DGLUCY: variants seen among roughly 807,000 people sequenced by gnomAD.
DGLUCY encodes the protein D-glutamate cyclase, mitochondrial.
DGLUCY carries 58 observed loss-of-function variants against 58.5 expected under a neutral mutation model. The ratio of observed to expected loss-of-function variants is 0.99; its 90% confidence interval spans 0.80 to 1.23. DGLUCY has a LOEUF of 1.23. DGLUCY is among the 50% of genes most tolerant of loss of function. DGLUCY has a pLI of 0.00. For synonymous variants in DGLUCY, 325 were observed against 314.1 expected (o/e 1.03, Z -0.37); for missense variants, 779 against 784.7 (o/e 0.99, Z 0.09).
chr14:91,188,982 G>C lies in DGLUCY; in HGVS notation c.1007G>C (p.Arg336Pro). Residue 336 changes from arginine (R) to proline (P), a missense_variant, in exon 9 of 14, where the codon CGC becomes CCC. Transcript: ENST00000256324. ...LKASLSLSHA[R>P]SVLITTGFPT... is the part of the protein sequence containing the mutation. ...GCCTCTCTCTCGCTGTCCCATGCCC[G>C]CTCAGTGCTCATCACCACTGGGTTC... The C allele has an allele frequency of 1.2e-6, 2 of 1,614,124 alleles. No homozygotes were observed. Among genetic ancestry groups the C allele is most frequent in the Non-Finnish European group, 1.7e-6 (2 of 1,180,018 alleles).
At chr14:91,128,546 AT>A (rs1333078191) in intron 1 of DGLUCY, among the ~76,000 whole-genome samples, 5 of 152,054 alleles carry the variant, frequency 3.3e-5, no homozygotes, top group Non-Finnish European at 5.9e-5. Flanking sequence ...CAGAAAGGGG[AT>A]TGTATTAGCC....
chr14:91,176,381 A>G (rs777852762), intron 7 of DGLUCY, among the ~76,000 whole-genome samples: 85 of 152,024 alleles, frequency 5.6e-4, no homozygotes, highest in Non-Finnish European at 9.6e-4. Flanking sequence ...ATGTGCCACC[A>G]TGCCCAGCTA....
At position 91,173,383 on chromosome 14, in the gene DGLUCY, G is replaced by C; in HGVS notation, c.551G>C (p.Arg184Pro). ...IPKDKLEGLV[R>P]ACCSLGGEQG... ...AAGGACAAGCTGGAAGGGCTGGTGC[G>C]GGCCTGCTGCTCCCTCGGAGGTGAG... Residue 184 changes from arginine to proline, a missense_variant, in exon 6 of 14, where the codon CGG becomes CCG. Transcript: ENST00000256324. 1 of 1,612,814 alleles carries C rather than the reference G, an allele frequency of 6.2e-7. No individual in the cohort carries two copies. The highest frequency in any genetic ancestry group is 1.7e-5 in the Admixed American group (1 of 59,560).
At chr14:91,091,663 C>G (rs1383894326) in intron 1 of DGLUCY, among the ~76,000 whole-genome samples, 1 of 152,126 alleles carries the variant, frequency 6.6e-6, no homozygotes, top group Non-Finnish European at 1.5e-5. Context: ...CTGGACAATT[C>G]ACATGTGCAT....
chr14:91,205,610 C>T (rs2140638438), intron 12 of DGLUCY, among the ~76,000 whole-genome samples: 1 of 152,278 alleles, frequency 6.6e-6, no homozygotes, highest in East Asian at 1.9e-4. Context: ...CCAGGCGACC[C>T]AGTGGTCTGG....
At chr14:91,060,542 C>T (rs967390993) in exon 1 of DGLUCY, 1 of 1,215,008 alleles carries the variant, frequency 8.2e-7, no homozygotes, top group Admixed American at 4.3e-5. Flanking sequence ...CGGGGTGCGG[C>T]GGCTCCAGAA....
chr14:91,140,464 G>A (rs2046600365), intron 1 of DGLUCY, among the ~76,000 whole-genome samples: 1 of 152,168 alleles, frequency 6.6e-6, no homozygotes, highest in South Asian at 2.1e-4. Context: ...CTGAAGTCAG[G>A]AGTTCAAGAG....
At position 91,167,233 on chromosome 14, in the gene DGLUCY, C is replaced by A; in HGVS notation, c.112C>A (p.Pro38Thr). The A allele has an allele frequency of 6.3e-7, 1 of 1,589,064 alleles. No homozygotes were observed. Among genetic ancestry groups the A allele is most frequent in the Non-Finnish European group, 8.5e-7 (1 of 1,172,680 alleles). Residue 38 changes from proline to threonine, a missense_variant, in exon 4 of 14, where the codon CCA becomes ACA. Pro to Thr is a conservative substitution (Grantham distance 38, BLOSUM62 -1). Transcript: ENST00000256324. ...TCTCCCACCATACCCAGAGCTCCGACCAGCCAGCCTGGTGGTCCTGCCCAG... is the reference window on the plus strand; with the variant it reads ...TCTCCCACCATACCCAGAGCTCCGAACAGCCAGCCTGGTGGTCCTGCCCAG... The part of the protein sequence containing the change: ...NTSSMAGELR[P>T]ASLVVLPRSL...
At chr14:91,070,146 G>A (rs1050666336) in intron 1 of DGLUCY, among the ~76,000 whole-genome samples, 8 of 152,178 alleles carry the variant, frequency 5.3e-5, no homozygotes, top group African/African-American at 1.9e-4. Context: ...TGAAGAACCA[G>A]TATGATAGTA....
intron 10 of DGLUCY, among the ~76,000 whole-genome samples, chr14:91,199,445 G>T (rs1487121216): frequency 6.8e-6 from 1 of 146,390 alleles, no homozygotes; most frequent in African/African-American, 2.4e-5. Flanking sequence ...TAGAGATGAG[G>T]TTTCACCATG....
chr14:91,079,415 T>G (rs111914752), intron 1 of DGLUCY, among the ~76,000 whole-genome samples: 2,139 of 150,928 alleles, frequency 0.014, 46 homozygotes, highest in African/African-American at 0.049. Context: ...AGTGCCGTGG[T>G]GCAGTCTCGC....
intron 1 of DGLUCY, among the ~76,000 whole-genome samples, chr14:91,098,958 A>G (rs996512274): frequency 2.6e-5 from 4 of 152,254 alleles, no homozygotes; most frequent in Non-Finnish European, 5.9e-5. Flanking sequence ...AATTTAATGC[A>G]TGTAGGTCTT....
intron 1 of DGLUCY, among the ~76,000 whole-genome samples, chr14:91,082,993 A>G (rs567059093): frequency 2.6e-5 from 4 of 152,262 alleles, no homozygotes; most frequent in African/African-American, 9.6e-5. Flanking sequence ...CCTGAGCTCA[A>G]GTGATCCTCC....
chr14:91,163,427 T>G (rs1056745614), intron 3 of DGLUCY, among the ~76,000 whole-genome samples: 1 of 152,210 alleles, frequency 6.6e-6, no homozygotes, highest in African/African-American at 2.4e-5. Flanking sequence ...ATCAGGTTCC[T>G]TGGGCTTTCG....
intron 11 of DGLUCY, among the ~76,000 whole-genome samples, chr14:91,202,565 G>T (rs1481306288): frequency 6.6e-6 from 1 of 151,558 alleles, no homozygotes; most frequent in Admixed American, 6.6e-5. Flanking sequence ...CCAGCTTCCT[G>T]TTGGCTTCCA....
intron 12 of DGLUCY, 109 bp downstream of exon 12, chr14:91,204,934 C>T (rs553610056): frequency 1.4e-6 from 2 of 1,470,828 alleles, no homozygotes; most frequent in Non-Finnish European, 1.9e-6. Context: ...GTCCATAGGG[C>T]ACCAGGGCAG....
In DGLUCY at chr14:91,167,227, C is replaced by T; in HGVS notation, c.106C>T (p.Leu36Phe). The T allele has an allele frequency of 6.3e-7, 1 of 1,587,498 alleles. No homozygotes were observed. Among genetic ancestry groups the T allele is most frequent in the South Asian group, 1.2e-5 (1 of 86,730 alleles). Residue 36 changes from leucine (L) to phenylalanine (F), a missense_variant and splice_region_variant, in exon 4 of 14, where the codon CTC (leucine) becomes TTC (phenylalanine). Leu to Phe is a conservative substitution (Grantham distance 22). Transcript: ENST00000256324. ...IRNTSSMAGE[L>F]RPASLVVLPR... ...TTCCCTTCTCCCACCATACCCAGAG[C>T]TCCGACCAGCCAGCCTGGTGGTCCT...
chr14:91,106,280 C>T (rs1337974978), upstream of DGLUCY, among the ~76,000 whole-genome samples: 2 of 151,802 alleles, frequency 1.3e-5, no homozygotes, highest in Non-Finnish European at 2.9e-5. Flanking sequence ...GCACTGCAGC[C>T]TGGGCAACAA....
At chr14:91,075,707 A>G (rs960149825) in intron 1 of DGLUCY, among the ~76,000 whole-genome samples, 17 of 152,236 alleles carry the variant, frequency 1.1e-4, no homozygotes, top group African/African-American at 3.1e-4. Context: ...CCTGAAGTCA[A>G]TGTTTGCTAC....
Sources: allele counts gnomAD v4.1 joint callset (sites outside exome capture counted in the v4.1 genomes callset), GRCh38; gene constraint gnomAD v4.1.1; transcripts MANE v1.5; gene names NCBI Gene and HGNC (gene_info 2026-07-23, HGNC 2026-07-21).